Variants in RBFOX1 observed in about 807,000 individuals in gnomAD.
RBFOX1 encodes RNA binding fox-1 homolog 1, also known as RNA binding protein fox-1 homolog 1.
A neutral mutation model predicts 57.7 loss-of-function variants in RBFOX1; 8 were observed. The observed-to-expected ratio is 0.14, with a 90% CI of 0.08 to 0.25. The LOEUF (loss-of-function observed/expected upper bound fraction) is 0.25, where lower values mean the gene tolerates loss of function less well. RBFOX1 is among the 10% of genes least tolerant of loss of function. The pLI is 1.00. For missense variants in RBFOX1, 611 were observed against 548.5 expected (o/e 1.11, Z -1.14); for synonymous variants, 326 against 222.4 (o/e 1.47, Z -4.15).
At chr16:6,370,840 A>C (rs2090329718) in intron 2 of RBFOX1, among the ~76,000 whole-genome samples, 1 of 152,212 alleles carries the variant, frequency 6.6e-6, no homozygotes, top group South Asian at 2.1e-4. Flanking sequence ...AGTTTTATGT[A>C]ATGTATATTT....
chr16:5,394,821 A>T, intron 1 of RBFOX1, among the ~76,000 whole-genome samples: 1 of 152,062 alleles, frequency 6.6e-6, no homozygotes, highest in East Asian at 1.9e-4. Context: ...AAATACTGGG[A>T]TTACAGGTTT....
rs78249092 is a variant in RBFOX1 at position 6,149,920 on chromosome 16, C to G, written c.-127+129928C>G. Among the ~76,000 whole-genome samples, 379 of 152,258 alleles carry G rather than the reference C, an allele frequency of 2.5e-3. 2 individuals are homozygous for G. The highest frequency in any genetic ancestry group is 8.4e-3 in the African/African-American group (348 of 41,540). On this transcript the variant is annotated intron_variant, in intron 1 of 15. Coordinates refer to ENST00000550418, the MANE Select transcript of RBFOX1 (RefSeq NM_018723.4). ...CTGATTATGTGCACTGAACAAAAGG[C>G]TTATTGAGCAGTAACTGATTCAGAT...
At chr16:5,913,636 C>G (rs1371918147) in intron 4 of RBFOX1, among the ~76,000 whole-genome samples, 2 of 152,208 alleles carry the variant, frequency 1.3e-5, no homozygotes, top group African/African-American at 4.8e-5. Context: ...AACCTCTTTT[C>G]TTTATACATT....
At chr16:7,225,905 A>AATCAATAAATATATATATATATAT (rs1555600462) in intron 4 of RBFOX1, among the ~76,000 whole-genome samples, 3,641 of 93,458 alleles carry the variant, frequency 0.039, 329 homozygotes, top group African/African-American at 0.16. Flanking sequence ...AAGTATAATA[A>AATCAATAAATATATATATATATAT]ATATATATAT....
intron 15 of RBFOX1, chr16:7,709,386 GAATAATTAGTCATTTT>G: frequency 8.2e-7 from 1 of 1,226,090 alleles, no homozygotes; most frequent in South Asian, 1.7e-5. Flanking sequence ...TACCTTAATG[GAATAATTAGTCATTTT>G]GATAATTAAA....
At chr16:5,494,229 C>T (rs924545850) in intron 2 of RBFOX1, among the ~76,000 whole-genome samples, 2 of 152,196 alleles carry the variant, frequency 1.3e-5, no homozygotes, top group African/African-American at 2.4e-5. Context: ...GCGGATGCTA[C>T]CCTCATCCAG....
At chr16:6,541,494 A>G (rs554666419) in intron 2 of RBFOX1, among the ~76,000 whole-genome samples, 1 of 152,346 alleles carries the variant, frequency 6.6e-6, no homozygotes, top group Non-Finnish European at 1.5e-5. Context: ...GAAAGATGAC[A>G]ACAGTGTCAC....
intron 5 of RBFOX1, among the ~76,000 whole-genome samples, chr16:7,521,836 G>A (rs918586597): frequency 1.8e-4 from 28 of 152,152 alleles, no homozygotes; most frequent in Admixed American, 6.5e-5. Flanking sequence ...AAGTCCAGGC[G>A]GAGGGTGGAC....
chr16:6,417,674 G>A (rs1346225640), intron 2 of RBFOX1, among the ~76,000 whole-genome samples: 14 of 148,436 alleles, frequency 9.4e-5, no homozygotes, highest in Non-Finnish European at 1.9e-4. Flanking sequence ...ACAGGTGTGA[G>A]CCACCATGTC....
At chr16:6,210,377 A>AAAG (rs1555552426) in intron 1 of RBFOX1, among the ~76,000 whole-genome samples, 18 of 128,534 alleles carry the variant, frequency 1.4e-4, no homozygotes, top group Admixed American at 2.6e-4. Flanking sequence ...AAAAAAAAAA[A>AAAG]AGAGAAAGGA....
At position 7,710,633 on chromosome 16, in the gene RBFOX1, C is replaced by T; in HGVS notation, c.1082C>T (p.Ala361Val). The T allele has an allele frequency of 1.2e-6, 2 of 1,612,404 alleles. No individual in the cohort carries two copies. Among genetic ancestry groups the T allele is most frequent in the Non-Finnish European group, 1.7e-6 (2 of 1,179,542 alleles). ...TYGVGAMNAF[A>V]PLTDAKTRSH... ...ATTGCTTTGTTTCAGAATGCTTTTG[C>T]ACCTTTGACTGATGCCAAGACTAGG... Residue 361 changes from alanine to valine, a missense_variant, in exon 16 of 16, where the codon GCA (alanine) becomes GTA (valine). Physicochemically the swap from Ala to Val is moderately conservative, Grantham distance 64. Around this residue, in one of 3 missense-constraint regions of RBFOX1, gnomAD observed 267 missense variants for 229.1 expected, o/e 1.17. Coordinates refer to ENST00000550418, the MANE Select transcript of RBFOX1 (RefSeq NM_018723.4).
At chr16:5,867,164 G>A in intron 3 of RBFOX1, 1 of 412,658 alleles carries the variant, frequency 2.4e-6, no homozygotes, top group East Asian at 3.6e-5. Flanking sequence ...GTGTGTGTGT[G>A]TGTGTGTGTG....
chr16:5,572,464 C>T (rs35596134), intron 2 of RBFOX1, among the ~76,000 whole-genome samples: 210 of 152,224 alleles, frequency 1.4e-3, no homozygotes, highest in Non-Finnish European at 2.3e-3. Context: ...CTCTTCTGTA[C>T]GTGGAAGGAT....
chr16:7,015,529 C>G (rs2093867314), intron 3 of RBFOX1, among the ~76,000 whole-genome samples: 4 of 152,284 alleles, frequency 2.6e-5, no homozygotes, highest in Middle Eastern at 3.4e-3. Flanking sequence ...CCAAATCAAG[C>G]ATCAATTAAT....
At chr16:6,642,921 T>C (rs561460692) in intron 2 of RBFOX1, among the ~76,000 whole-genome samples, 1 of 152,182 alleles carries the variant, frequency 6.6e-6, no homozygotes, top group East Asian at 1.9e-4. Context: ...GAGATTTTAC[T>C]TAGTTTACAT....
At chr16:7,268,882 C>A (rs538766514) in intron 4 of RBFOX1, among the ~76,000 whole-genome samples, 1 of 151,556 alleles carries the variant, frequency 6.6e-6, no homozygotes, top group African/African-American at 2.4e-5. Flanking sequence ...ACTAAAAATA[C>A]AAAAATTAGC....
chr16:6,286,957 T>C (rs2152711287), intron 1 of RBFOX1, among the ~76,000 whole-genome samples: 1 of 152,262 alleles, frequency 6.6e-6, no homozygotes, highest in East Asian at 1.9e-4. Context: ...ACTTGAAGGA[T>C]ATATTTAAAG....
intron 4 of RBFOX1, among the ~76,000 whole-genome samples, chr16:7,236,982 C>G (rs1402122494): frequency 6.6e-6 from 1 of 152,148 alleles, no homozygotes. Context: ...GATAAGCTGG[C>G]TTTGGAAGAG....
intron 4 of RBFOX1, chr16:7,431,140 G>A (rs766854504): frequency 3.9e-5 from 6 of 152,174 alleles, no homozygotes; most frequent in Non-Finnish European, 8.8e-5. Flanking sequence ...GCCATGCACT[G>A]TGCTAGTGTT....
Sources: gnomAD v4.1 joint callset for allele counts (sites outside exome capture counted in the v4.1 genomes callset) on GRCh38, gnomAD v4.1.1 for gene constraint, gnomAD v4.1.1 regional missense constraint, MANE v1.5 for transcripts, NCBI Gene and HGNC (gene_info 2026-07-23, HGNC 2026-07-21) for gene names.